The following KIRREL3 variants were observed in gnomAD, a reference collection of about 807,000 sequenced individuals.
KIRREL3 encodes the protein kirre like nephrin family adhesion molecule 3.
A neutral mutation model predicts 89.7 loss-of-function variants in KIRREL3; 36 were observed. The ratio of observed to expected loss-of-function variants is 0.40; its 90% CI spans 0.31 to 0.53. KIRREL3 has a LOEUF of 0.53. KIRREL3 is among the 20% of genes least tolerant of loss of function. The pLI is 0.49. For synonymous variants in KIRREL3, 445 were observed against 441.4 expected (o/e 1.01, Z -0.10); for missense variants, 864 against 1,056.6 (o/e 0.82, Z 2.53).
rs1945348925 is a variant in KIRREL3, at chr11:126,877,854, C to T, written c.55+122601G>A. Among the ~76,000 whole-genome samples the T allele has an allele frequency of 1.3e-5, 2 of 151,988 alleles. No individual in the cohort carries two copies. Among genetic ancestry groups the T allele is most frequent in the South Asian group, 2.1e-4 (1 of 4,828 alleles). ...ACCTATCATCCACATGTTTTTTGTG[C>T]CTGAAAAAGCAGAATATTATTATAA... On this transcript the variant is annotated intron_variant, in intron 1 of 16. Transcript: ENST00000525144. The surrounding 1 kb of genome is among the most constrained non-coding windows in gnomAD (Gnocchi z 4.9).
Position 126,682,854 on chromosome 11 carries a change from C to T in KIRREL3, c.56-119942G>A, listed in dbSNP as rs138375256. ...GTCTGGTTCCTAACAGGCTGAGGAC[C>T]GGTACCCCGGGGCTGGGGATCCCTG... On this transcript the variant is annotated intron_variant, in intron 1 of 16. Transcript: ENST00000525144. This position sits in a 1 kb window ranked among gnomAD's most constrained non-coding sequence, Gnocchi z 4.8. 6.6e-5 allele frequency among the ~76,000 whole-genome samples: 10 copies of T among 152,186 alleles called. No homozygotes were observed. The East Asian group carries it at 7.7e-4, about 12-fold the overall frequency.
intron 1 of KIRREL3, among the ~76,000 whole-genome samples, chr11:126,820,931 C>A (rs4293131): frequency 0.86 from 131,188 of 152,070 alleles, 56,928 homozygotes; most frequent in East Asian, 1. Context: ...AAGGACCTGG[C>A]GTGCCCCCAA....
Position 126,981,881 on chromosome 11 carries a change from T to G in KIRREL3, c.55+18574A>C, listed in dbSNP as rs1404172266. Among the ~76,000 whole-genome samples, 1 of 152,256 alleles carries G rather than the reference T, an allele frequency of 6.6e-6. No individual in the cohort carries two copies. Among genetic ancestry groups the G allele is most frequent in the Admixed American group, 6.5e-5 (1 of 15,290 alleles). ...CCCTTGCTTGGGGGCTCTGCTGGGA[T>G]GACAGCCTTTAAACACCTCATTAAT... On this transcript the variant is annotated intron_variant, in intron 1 of 16. Coordinates refer to ENST00000525144, the MANE Select transcript of KIRREL3 (RefSeq NM_032531.4). The surrounding 1 kb of genome is among the most constrained non-coding windows in gnomAD (Gnocchi z 4.2).
chr11:126,424,375 A>ACCC lies in KIRREL3; in HGVS notation c.*202_*204dup. The ACCC allele has an allele frequency of 8.0e-6, 3 of 376,588 alleles. No individual in the cohort carries two copies. The highest frequency in any genetic ancestry group is 1.5e-5 in the Non-Finnish European group (3 of 195,052). The allele number at this position is 376,588 out of a possible 1,614,324, so 23.3% of individuals were successfully genotyped here. A position where few individuals can be genotyped will look rare whatever the true frequency, so the allele number is the denominator to read the frequency against. ...AGCCGCAGCCTCTGTCTGTCTCCCC[A>ACCC]CCCGCCCACCTCTGGCACACAGCAC... On this transcript the variant is annotated 3_prime_UTR_variant, in exon 17 of 17. Transcript: ENST00000525144.
In KIRREL3 at chr11:126,729,304, A is replaced by G. The variant is rs538884425; in HGVS notation, c.56-166392T>C. Among the ~76,000 whole-genome samples the G allele has an allele frequency of 6.6e-6, 1 of 152,334 alleles. No individual in the cohort carries two copies. Among genetic ancestry groups the G allele is most frequent in the African/African-American group, 2.4e-5 (1 of 41,572 alleles). On this transcript the variant is annotated intron_variant, in intron 1 of 16. Transcript: ENST00000525144. This position sits in a 1 kb window ranked among gnomAD's most constrained non-coding sequence, Gnocchi z 4.5. ...AACAACAAATCTAATTCTTTTAGGGAAAAGAGGTAGTGCATGGATAAAATG... is the reference window on the plus strand; with the variant it reads ...AACAACAAATCTAATTCTTTTAGGGGAAAGAGGTAGTGCATGGATAAAATG...
rs950192289 is a variant in KIRREL3 at position 126,441,358 on chromosome 11, G to A, written c.1253-809C>T. On this transcript the variant is annotated intron_variant, in intron 10 of 16. Transcript: ENST00000525144. The surrounding 1 kb of genome is among the most constrained non-coding windows in gnomAD (Gnocchi z 5.0). ...CCAAGAGAGTTCACCTGGTGGAGGGGAGCCTGTTCCCCAGCGCCTCCTGTC... is the reference window on the plus strand; with the variant it reads ...CCAAGAGAGTTCACCTGGTGGAGGGAAGCCTGTTCCCCAGCGCCTCCTGTC... Among the ~76,000 whole-genome samples the A allele has an allele frequency of 7.2e-5, 11 of 152,234 alleles. No homozygotes were observed. Among genetic ancestry groups the A allele is most frequent in the Non-Finnish European group, 1.5e-4 (10 of 68,046 alleles).
At chr11:126,716,207 G>A (rs897597742) in intron 1 of KIRREL3, among the ~76,000 whole-genome samples, 2 of 151,494 alleles carry the variant, frequency 1.3e-5, no homozygotes, top group Non-Finnish European at 2.9e-5. Flanking sequence ...AGAGGGAGGC[G>A]GAGGAAGAAA....
At chr11:126,815,982 A>G (rs1228992026) in intron 1 of KIRREL3, among the ~76,000 whole-genome samples, 3 of 152,214 alleles carry the variant, frequency 2.0e-5, no homozygotes, top group East Asian at 1.9e-4. Flanking sequence ...GAGTTCATCC[A>G]CTACAGATGA....
In KIRREL3 at chr11:126,694,200, T is replaced by C. The variant is rs1322823092; in HGVS notation, c.56-131288A>G. ...AAAGAAAATTGCAGGGATGGGGAAA[T>C]AATGAAAAAGGCTCTTTGTTTTTCC... On this transcript the variant is annotated intron_variant, in intron 1 of 16. Transcript: ENST00000525144. This position sits in a 1 kb window ranked among gnomAD's most constrained non-coding sequence, Gnocchi z 4.4. 2.0e-5 allele frequency among the ~76,000 whole-genome samples: 3 copies of C among 152,136 alleles called. No homozygotes were observed. The highest frequency in any genetic ancestry group is 4.4e-5 in the Non-Finnish European group (3 of 68,008).
rs563228841 is a variant in KIRREL3 at position 126,796,190 on chromosome 11, TA to T, written c.55+204264del. 2.8e-3 allele frequency among the ~76,000 whole-genome samples: 393 copies of T among 141,722 alleles called. No individual in the cohort carries two copies. Among genetic ancestry groups the T allele is most frequent in the Middle Eastern group, 3.5e-3 (1 of 284 alleles). The allele number at this position is 141,722 out of a possible 152,430, so 93.0% of individuals were successfully genotyped here. A position where few individuals can be genotyped will look rare whatever the true frequency, so the allele number is the denominator to read the frequency against. On this transcript the variant is annotated intron_variant, in intron 1 of 16. Coordinates refer to ENST00000525144, the MANE Select transcript of KIRREL3 (RefSeq NM_032531.4). The surrounding 1 kb of genome is among the most constrained non-coding windows in gnomAD (Gnocchi z 5.1). ...AGAGGTCATGAAGGGAAGAAGGGGTTAAAAAAAAAAAAGGCAAGACACAACA... is the reference window on the plus strand; with the variant it reads ...AGAGGTCATGAAGGGAAGAAGGGGTTAAAAAAAAAAAGGCAAGACACAACA...
Position 126,872,560 on chromosome 11 carries a change from C to T in KIRREL3, c.55+127895G>A, listed in dbSNP as rs2134674152. Reference sequence around the variant, plus strand: ...CCCGGACTAAGCCCCAATTTGGGGGCTCACTTCACCTGCATCATTTACATC... The same window carrying T: ...CCCGGACTAAGCCCCAATTTGGGGGTTCACTTCACCTGCATCATTTACATC... On this transcript the variant is annotated intron_variant, in intron 1 of 16. Coordinates refer to ENST00000525144, the MANE Select transcript of KIRREL3 (RefSeq NM_032531.4). The surrounding 1 kb of genome is among the most constrained non-coding windows in gnomAD (Gnocchi z 4.2). Among the ~76,000 whole-genome samples the T allele has an allele frequency of 6.6e-6, 1 of 152,324 alleles. No homozygotes were observed. Among genetic ancestry groups the T allele is most frequent in the Middle Eastern group, 3.4e-3 (1 of 294 alleles).
intron 1 of KIRREL3, among the ~76,000 whole-genome samples, chr11:126,730,239 A>T (rs527644374): frequency 1.3e-5 from 2 of 152,220 alleles, no homozygotes; most frequent in South Asian, 4.2e-4. Context: ...CCCCATCCAC[A>T]TGGGGGCCCA....
chr11:126,696,513 G>A lies in KIRREL3; in HGVS notation c.56-133601C>T, dbSNP rs923965559. Among the ~76,000 whole-genome samples, 7 of 152,026 alleles carry A rather than the reference G, an allele frequency of 4.6e-5. No homozygotes were observed. Among genetic ancestry groups the A allele is most frequent in the East Asian group, 1.9e-4 (1 of 5,176 alleles). Reference sequence around the variant, plus strand: ...ACGCAGGCATGTGGCCTCTTGCCTCGACATCTGGCCCCACCGTCCAACCCA... The same window carrying A: ...ACGCAGGCATGTGGCCTCTTGCCTCAACATCTGGCCCCACCGTCCAACCCA... On this transcript the variant is annotated intron_variant, in intron 1 of 16. Transcript: ENST00000525144. This position sits in a 1 kb window ranked among gnomAD's most constrained non-coding sequence, Gnocchi z 4.4.
rs914214147 is a variant in KIRREL3 at position 126,773,800 on chromosome 11, A to G, written c.56-210888T>C. On this transcript the variant is annotated intron_variant, in intron 1 of 16. Transcript: ENST00000525144. This position sits in a 1 kb window ranked among gnomAD's most constrained non-coding sequence, Gnocchi z 4.2. ...TGAATCTGGCAGATAGTGTTTAGTG[A>G]GTGATGCATAGATGAAAAGTAAAAA... is the stretch of plus-strand genomic sequence containing the variant. Among the ~76,000 whole-genome samples, 2 of 152,222 alleles carry G rather than the reference A, an allele frequency of 1.3e-5. No homozygotes were observed. Among genetic ancestry groups the G allele is most frequent in the African/African-American group, 4.8e-5 (2 of 41,444 alleles).
intron 1 of KIRREL3, among the ~76,000 whole-genome samples, chr11:126,835,071 G>C (rs1266688421): frequency 6.6e-6 from 1 of 152,202 alleles, no homozygotes; most frequent in Admixed American, 6.5e-5. Flanking sequence ...CCATCGTGGA[G>C]TTTCCCAGTG....
intron 1 of KIRREL3, among the ~76,000 whole-genome samples, chr11:126,828,542 A>T (rs1461327272): frequency 6.6e-6 from 1 of 152,146 alleles, no homozygotes; most frequent in Admixed American, 6.5e-5. Flanking sequence ...GGACCAGGGG[A>T]GTGGGGGGCA....
At position 126,763,955 on chromosome 11, in the gene KIRREL3, T is replaced by TC. The variant is rs537884054; in HGVS notation, c.56-201044dup. 9.9e-4 allele frequency among the ~76,000 whole-genome samples: 150 copies of TC among 152,254 alleles called. No homozygotes were observed. Among genetic ancestry groups the TC allele is most frequent in the Middle Eastern group, 3.4e-3 (1 of 294 alleles). ...TTCCTCTCTTTTCCTGTATCTTTTT[T>TC]CCCCCACAACTCTGCATTCCCCTCC... On this transcript the variant is annotated intron_variant, in intron 1 of 16. Transcript: ENST00000525144. The surrounding 1 kb of genome is among the most constrained non-coding windows in gnomAD (Gnocchi z 4.7).
rs1943887335 is a variant in KIRREL3, at chr11:126,628,531, A to G, written c.56-65619T>C. 6.6e-6 allele frequency among the ~76,000 whole-genome samples: 1 copy of G among 152,218 alleles called. No individual in the cohort carries two copies. Among genetic ancestry groups the G allele is most frequent in the South Asian group, 2.1e-4 (1 of 4,828 alleles). ...ATCCCGTTCTCCTAGCTCTCAAAAC[A>G]ATGGTGGGTGATTTCATAGTTTCTT... On this transcript the variant is annotated intron_variant, in intron 1 of 16. Coordinates refer to ENST00000525144, the MANE Select transcript of KIRREL3 (RefSeq NM_032531.4). The surrounding 1 kb of genome is among the most constrained non-coding windows in gnomAD (Gnocchi z 5.2).
chr11:126,777,673 C>T (rs1266604557), intron 1 of KIRREL3, among the ~76,000 whole-genome samples: 1 of 152,180 alleles, frequency 6.6e-6, no homozygotes, highest in African/African-American at 2.4e-5. Flanking sequence ...AATCAGACCC[C>T]TTTGTGAACA....
Sources: allele counts gnomAD v4.1 joint callset (sites outside exome capture counted in the v4.1 genomes callset), GRCh38; gene constraint gnomAD v4.1.1; non-coding constraint Gnocchi (gnomAD v3.1); transcripts MANE v1.5; gene names NCBI Gene and HGNC (gene_info 2026-07-23, HGNC 2026-07-21).